Variants in FAM124A observed in about 807,000 individuals in gnomAD.
The protein encoded by FAM124A is protein FAM124A.
A neutral mutation model predicts 24.5 loss-of-function variants in FAM124A; 23 were observed. The ratio of observed to expected loss-of-function variants is 0.94; its 90% CI spans 0.68 to 1.33. The LOEUF (loss-of-function observed/expected upper bound fraction) is 1.33, where lower values mean the gene tolerates loss of function less well. Among genes scored for constraint, FAM124A ranks in the 40% most tolerant of loss-of-function variants. The pLI is 0.00. For missense variants in FAM124A, 623 were observed against 722.8 expected (o/e 0.86, Z 1.58); for synonymous variants, 287 against 314.7 (o/e 0.91, Z 0.93).
At chr13:51,247,084 G>A (rs1037945378) in intron 2 of FAM124A, among the ~76,000 whole-genome samples, 8 of 152,254 alleles carry the variant, frequency 5.3e-5, no homozygotes, top group Admixed American at 2.0e-4. Flanking sequence ...AAGACCTGGG[G>A]CCAGAGGAAA....
intron 2 of FAM124A, among the ~76,000 whole-genome samples, chr13:51,248,408 A>T (rs1954586597): frequency 6.6e-6 from 1 of 152,142 alleles, no homozygotes; most frequent in African/African-American, 2.4e-5. Flanking sequence ...CACTTGACTG[A>T]CTGTCCTGGA....
intron 2 of FAM124A, chr13:51,245,371 A>C (rs752255420): frequency 1.1e-4 from 74 of 697,432 alleles, no homozygotes; most frequent in Non-Finnish European, 7.4e-5. Context: ...ACACGGTGAC[A>C]AAGAAAAGGG....
At chr13:51,245,397 G>C (rs776405543) in intron 2 of FAM124A, 2 of 678,856 alleles carry the variant, frequency 2.9e-6, no homozygotes, top group South Asian at 3.2e-5. Flanking sequence ...GGAGCCTCCA[G>C]GTTGAACATA....
At chr13:51,240,070 G>C (rs910709700) in intron 2 of FAM124A, among the ~76,000 whole-genome samples, 6 of 152,306 alleles carry the variant, frequency 3.9e-5, no homozygotes, top group African/African-American at 1.4e-4. Context: ...CTCCAGTACA[G>C]TTTCTATCTT....
chr13:51,222,900 A>G (rs1180587933), intron 1 of FAM124A, among the ~76,000 whole-genome samples: 1 of 152,148 alleles, frequency 6.6e-6, no homozygotes, highest in Non-Finnish European at 1.5e-5. Flanking sequence ...TTCCTCGGGG[A>G]CTTTCCTCCT....
intron 3 of FAM124A, among the ~76,000 whole-genome samples, chr13:51,261,451 T>C (rs531573127): frequency 1.2e-4 from 19 of 152,300 alleles, no homozygotes; most frequent in African/African-American, 4.6e-4. Context: ...AAATAATTTC[T>C]CAGAGCATCA....
At chr13:51,227,268 G>A (rs1007866583) in intron 1 of FAM124A, 4 of 152,142 alleles carry the variant, frequency 2.6e-5, no homozygotes, top group African/African-American at 7.2e-5. Flanking sequence ...GAGACTCAGA[G>A]GGCACATGGC....
intron 2 of FAM124A, among the ~76,000 whole-genome samples, chr13:51,242,794 T>A (rs1390172723): frequency 6.6e-6 from 1 of 152,168 alleles, no homozygotes; most frequent in East Asian, 1.9e-4. Context: ...GGTTTTAGAA[T>A]GAGCTCAGGA....
intron 2 of FAM124A, among the ~76,000 whole-genome samples, chr13:51,249,552 G>A (rs1265156762): frequency 6.6e-6 from 1 of 152,174 alleles, no homozygotes; most frequent in African/African-American, 2.4e-5. Flanking sequence ...CTTATACATG[G>A]CCCTGCAGCA....
intron 2 of FAM124A, among the ~76,000 whole-genome samples, 193 bp downstream of exon 2, chr13:51,231,572 C>T (rs1304002550): frequency 6.6e-6 from 1 of 152,184 alleles, no homozygotes; most frequent in African/African-American, 2.4e-5. Flanking sequence ...TACAGAAATT[C>T]AGCCTGAAGG....
intron 3 of FAM124A, among the ~76,000 whole-genome samples, chr13:51,267,125 T>C (rs1037963221): frequency 1.3e-5 from 2 of 152,210 alleles, no homozygotes; most frequent in Non-Finnish European, 2.9e-5. Flanking sequence ...GTTTCTCAAA[T>C]CACTGTTTAC....
chr13:51,224,067 G>A (rs1020839471), intron 1 of FAM124A, among the ~76,000 whole-genome samples: 2 of 152,200 alleles, frequency 1.3e-5, no homozygotes, highest in African/African-American at 4.8e-5. Flanking sequence ...ACATCAGCAT[G>A]ACAGCGGCCA....
At chr13:51,262,878 TCA>T (rs1954750747) in intron 3 of FAM124A, among the ~76,000 whole-genome samples, 1 of 152,226 alleles carries the variant, frequency 6.6e-6, no homozygotes, top group Non-Finnish European at 1.5e-5. Flanking sequence ...CAGCACCTGC[TCA>T]CAGCAGGCTC....
chr13:51,223,606 G>T (rs886616421), intron 1 of FAM124A, among the ~76,000 whole-genome samples: 21 of 152,072 alleles, frequency 1.4e-4, no homozygotes, highest in African/African-American at 4.8e-4. Context: ...ACCCAACCCC[G>T]GCAAAGCTCC....
chr13:51,281,016 T>C lies in FAM124A; in HGVS notation c.1401T>C (p.Thr467=). The stretch of plus-strand genomic sequence containing the variant: ...ATTCCAGGGAGGGACCACTGCCCAC[T>C]GTCAGCAGGGTGACCACAGAGGCCT... The part of the protein sequence containing the change: ...HKDSREGPLP[T]VSRVTTEASW... Residue 467 remains threonine, a synonymous_variant, in exon 4 of 4, where the codon ACT becomes ACC. Transcript: ENST00000322475. 6.2e-7 allele frequency: 1 copy of C among 1,614,056 alleles called. No individual in the cohort carries two copies. The highest frequency in any genetic ancestry group is 8.5e-7 in the Non-Finnish European group (1 of 1,179,988).
At chr13:51,253,321 G>A (rs1420667451) in intron 3 of FAM124A, 1 of 152,190 alleles carries the variant, frequency 6.6e-6, no homozygotes, top group Non-Finnish European at 1.5e-5. Context: ...CAGATAACTG[G>A]TTCAGACTAC....
intron 2 of FAM124A, among the ~76,000 whole-genome samples, chr13:51,232,444 A>C (rs1954388062): frequency 6.6e-6 from 1 of 152,180 alleles, no homozygotes; most frequent in African/African-American, 2.4e-5. Flanking sequence ...AGAGACACTT[A>C]ATTGGATTAT....
chr13:51,255,624 C>G (rs1463553457), intron 3 of FAM124A, among the ~76,000 whole-genome samples: 1 of 152,188 alleles, frequency 6.6e-6, no homozygotes, highest in East Asian at 1.9e-4. Context: ...GAAGCAAAGT[C>G]CCCCCAGCAT....
chr13:51,234,646 C>T (rs1470003075), intron 2 of FAM124A, among the ~76,000 whole-genome samples: 2 of 152,134 alleles, frequency 1.3e-5, no homozygotes, highest in Admixed American at 1.3e-4. Context: ...AGAAACTCCT[C>T]TACAAAGAGA....
Sources: allele counts gnomAD v4.1 joint callset (sites outside exome capture counted in the v4.1 genomes callset), GRCh38; gene constraint gnomAD v4.1.1; transcripts MANE v1.5; gene names NCBI Gene and HGNC (gene_info 2026-07-23, HGNC 2026-07-21).